CSMD2: variants seen among roughly 807,000 people sequenced by gnomAD.
CSMD2 encodes CUB and Sushi multiple domains 2.
Under a neutral mutation model 398.5 loss-of-function variants are expected in CSMD2, and 130 were observed. The ratio of observed to expected loss-of-function variants is 0.33; its 90% CI spans 0.28 to 0.38. CSMD2 has a LOEUF of 0.38. CSMD2 is among the 10% of genes least tolerant of loss of function. CSMD2 has a pLI of 1.00. For synonymous variants in CSMD2, 1,828 were observed against 1,908.5 expected (o/e 0.96, Z 1.10); for missense variants, 3,829 against 4,764.9 (o/e 0.80, Z 5.78).
rs138831468 is a variant in CSMD2 at position 33,942,542 on chromosome 1, G to A, written c.518-6588C>T. ...AACCATTGTCAGGCAGAAGCCCTCCGCCATAAGCCTATTCTCTCGACTCAT... is the reference window on the plus strand; with the variant it reads ...AACCATTGTCAGGCAGAAGCCCTCCACCATAAGCCTATTCTCTCGACTCAT... On this transcript the variant is annotated intron_variant, in intron 3 of 70. Coordinates refer to ENST00000373381, the MANE Select transcript of CSMD2 (RefSeq NM_001281956.2). Among the ~76,000 whole-genome samples the A allele has an allele frequency of 1.5e-3, 224 of 152,332 alleles. 1 individual carries two copies. Among genetic ancestry groups the A allele is most frequent in the African/African-American group, 3.4e-3 (141 of 41,582 alleles).
At chr1:33,726,449 C>T (rs894071800) in intron 16 of CSMD2, 98 bp downstream of exon 16, 23 of 1,366,742 alleles carry the variant, frequency 1.7e-5, no homozygotes, top group South Asian at 7.3e-5. Flanking sequence ...GACATTTCAG[C>T]GTTGGTACTG....
intron 12 of CSMD2, among the ~76,000 whole-genome samples, chr1:33,782,106 G>A (rs973089833): frequency 1.3e-5 from 2 of 152,124 alleles, no homozygotes; most frequent in African/African-American, 4.8e-5. Context: ...TAAGGGATGA[G>A]TGGAAATGAT....
intron 5 of CSMD2, among the ~76,000 whole-genome samples, chr1:33,898,164 T>C (rs1310147736): frequency 6.6e-6 from 1 of 152,196 alleles, no homozygotes; most frequent in East Asian, 1.9e-4. Context: ...TAAAAAATGC[T>C]ATTACTATTT....
At chr1:34,009,823 C>G (rs907392677) in intron 3 of CSMD2, among the ~76,000 whole-genome samples, 14 of 152,154 alleles carry the variant, frequency 9.2e-5, no homozygotes, top group African/African-American at 3.1e-4. Context: ...TGATTTCACT[C>G]CTATGTGACT....
At chr1:33,672,975 CA>C (rs1280159348) in intron 25 of CSMD2, among the ~76,000 whole-genome samples, 2 of 152,140 alleles carry the variant, frequency 1.3e-5, no homozygotes, top group Admixed American at 1.3e-4. Context: ...TCACCATCAT[CA>C]AAGACCAAAG....
intron 29 of CSMD2, among the ~76,000 whole-genome samples, chr1:33,637,055 T>C (rs1265109298): frequency 6.6e-6 from 1 of 152,224 alleles, no homozygotes; most frequent in East Asian, 1.9e-4. Flanking sequence ...CAGTCTGCTT[T>C]TGGAGATGCT....
At chr1:33,614,645 G>T in intron 39 of CSMD2, 25 bp from the exon 40 acceptor site, 1 of 1,392,512 alleles carries the variant, frequency 7.2e-7, no homozygotes, top group Non-Finnish European at 1.0e-6. Context: ...TGAGACAGAG[G>T]GTCAGGACAA....
intron 24 of CSMD2, among the ~76,000 whole-genome samples, chr1:33,694,226 G>A (rs192815169): frequency 3.5e-4 from 54 of 152,344 alleles, no homozygotes; most frequent in Middle Eastern, 3.4e-3. Context: ...CAGAAGGTAC[G>A]TTAGTGGTTG....
chr1:33,594,940 A>G lies in CSMD2; in HGVS notation c.6856+5925T>C, dbSNP rs1051440190. 1.1e-4 allele frequency among the ~76,000 whole-genome samples: 16 copies of G among 152,244 alleles called. 1 individual carries two copies. Among genetic ancestry groups the G allele is most frequent in the Admixed American group, 6.5e-4 (10 of 15,280 alleles). ...AATCTTTTTCCATGAACCGTTTGCA[A>G]GTAAGTCGCCAACATGTTGCCCTGT... On this transcript the variant is annotated intron_variant, in intron 44 of 70. Coordinates refer to ENST00000373381, the MANE Select transcript of CSMD2 (RefSeq NM_001281956.2).
chr1:34,103,871 G>T (rs1446579383), intron 1 of CSMD2, among the ~76,000 whole-genome samples: 1 of 152,134 alleles, frequency 6.6e-6, no homozygotes, highest in Non-Finnish European at 1.5e-5. Flanking sequence ...TAGTGGAAAG[G>T]TTAAAAGCAT....
chr1:34,070,465 T>C (rs943518609), intron 2 of CSMD2, among the ~76,000 whole-genome samples: 1 of 152,208 alleles, frequency 6.6e-6, no homozygotes, highest in Non-Finnish European at 1.5e-5. Flanking sequence ...CTTCTTAGCA[T>C]AGGGCTTATG....
intron 10 of CSMD2, among the ~76,000 whole-genome samples, chr1:33,794,141 G>A (rs1654668786): frequency 6.6e-6 from 1 of 152,154 alleles, no homozygotes; most frequent in Non-Finnish European, 1.5e-5. Context: ...CCCACATCCT[G>A]CCAGGGACCC....
intron 5 of CSMD2, among the ~76,000 whole-genome samples, chr1:33,907,448 G>A (rs1643169314): frequency 1.3e-5 from 2 of 152,074 alleles, no homozygotes; most frequent in Admixed American, 1.3e-4. Flanking sequence ...ATCTTAATGT[G>A]AGTGATTTCA....
chr1:33,600,001 C>A (rs1334857589), intron 44 of CSMD2: 5 of 614,762 alleles, frequency 8.1e-6, no homozygotes, highest in Non-Finnish European at 8.9e-6. Flanking sequence ...TGGTTTTGGG[C>A]AAGTACTTGA....
intron 1 of CSMD2, among the ~76,000 whole-genome samples, chr1:34,135,254 A>T (rs1034708278): frequency 9.5e-4 from 138 of 145,036 alleles, no homozygotes; most frequent in African/African-American, 1.4e-3. Flanking sequence ...ACACACACAC[A>T]CACACACACA....
chr1:33,930,826 C>A (rs75841188), intron 4 of CSMD2, among the ~76,000 whole-genome samples: 2,438 of 152,308 alleles, frequency 0.016, 60 homozygotes, highest in African/African-American at 0.055. Flanking sequence ...TGGACCAAGC[C>A]TTGATGGGTC....
At chr1:34,000,521 C>T (rs1486588507) in intron 3 of CSMD2, among the ~76,000 whole-genome samples, 2 of 152,118 alleles carry the variant, frequency 1.3e-5, no homozygotes, top group African/African-American at 2.4e-5. Flanking sequence ...CAGAACCGCT[C>T]GGTTCATAAT....
chr1:34,056,914 G>C (rs1440473185), intron 2 of CSMD2, among the ~76,000 whole-genome samples: 2 of 152,160 alleles, frequency 1.3e-5, no homozygotes, highest in African/African-American at 2.4e-5. Flanking sequence ...ATCCCATTGG[G>C]GAACACTGGG....
chr1:34,058,821 G>A (rs1654149373), intron 2 of CSMD2, among the ~76,000 whole-genome samples: 1 of 152,254 alleles, frequency 6.6e-6, no homozygotes, highest in Admixed American at 6.5e-5. Context: ...TGAATTACAT[G>A]ATTGCTCTAC....
Sources: allele counts gnomAD v4.1 joint callset (sites outside exome capture counted in the v4.1 genomes callset), GRCh38; gene constraint gnomAD v4.1.1; transcripts MANE v1.5; gene names NCBI Gene and HGNC (gene_info 2026-07-23, HGNC 2026-07-21).